LSAMP: variants seen among roughly 807,000 people sequenced by gnomAD.
The protein encoded by LSAMP is limbic system associated membrane protein, also known as limbic system-associated membrane protein.
LSAMP carries 7 observed loss-of-function variants against 38.6 expected under a neutral mutation model. The observed-to-expected ratio is 0.18, with a 90% CI of 0.10 to 0.34. LSAMP has a LOEUF of 0.34. LSAMP is among the 10% of genes least tolerant of loss of function. The pLI, the probability that LSAMP is intolerant of heterozygous loss-of-function variation, is 1.00. For synonymous variants in LSAMP, 154 were observed against 166.8 expected (o/e 0.92, Z 0.59); for missense variants, 313 against 420.0 (o/e 0.75, Z 2.23).
intron 1 of LSAMP, among the ~76,000 whole-genome samples, chr3:116,407,751 A>G (rs762248944): frequency 7.9e-5 from 12 of 152,064 alleles, no homozygotes; most frequent in Non-Finnish European, 1.6e-4. Flanking sequence ...TGAGCATGAC[A>G]GGAACAATCT....
chr3:116,367,962 T>C (rs2048377656), intron 1 of LSAMP: 1 of 152,216 alleles, frequency 6.6e-6, no homozygotes, highest in Admixed American at 6.5e-5. Flanking sequence ...TGTGGCTCTG[T>C]GCCATCTCGA....
chr3:115,984,776 G>T lies in LSAMP; in HGVS notation c.514+34739C>A, dbSNP rs368019191. ...TCATTGTAAAGACTGTTACAGTAAA[G>T]TTATGCATACATTGCAATGGTAAAA... On this transcript the variant is annotated intron_variant, in intron 3 of 6. Coordinates refer to ENST00000490035, the MANE Select transcript of LSAMP (RefSeq NM_002338.5). Among the ~76,000 whole-genome samples, 44 of 152,294 alleles carry T rather than the reference G, an allele frequency of 2.9e-4. 1 individual carries two copies. Among genetic ancestry groups the T allele is most frequent in the African/African-American group, 9.9e-4 (41 of 41,578 alleles).
At chr3:115,997,582 C>T (rs1036073817) in intron 3 of LSAMP, among the ~76,000 whole-genome samples, 13 of 150,108 alleles carry the variant, frequency 8.7e-5, no homozygotes, top group African/African-American at 2.9e-4. Context: ...AGGTACAGTA[C>T]AGAAGGCATA....
At chr3:115,995,872 A>G (rs968937698) in intron 3 of LSAMP, among the ~76,000 whole-genome samples, 11 of 152,066 alleles carry the variant, frequency 7.2e-5, no homozygotes, top group African/African-American at 2.4e-4. Flanking sequence ...TCCTGAGTAT[A>G]ACAAGTGATT....
chr3:116,307,468 A>G (rs1380264417), intron 1 of LSAMP, among the ~76,000 whole-genome samples: 1 of 151,990 alleles, frequency 6.6e-6, no homozygotes, highest in Non-Finnish European at 1.5e-5. Context: ...CAAAGCATAT[A>G]ATCCAAAATA....
intron 2 of LSAMP, among the ~76,000 whole-genome samples, chr3:116,046,433 C>G (rs920206265): frequency 6.6e-6 from 1 of 152,192 alleles, no homozygotes; most frequent in Non-Finnish European, 1.5e-5. Context: ...ATACAGCTTG[C>G]AGAGCAATTG....
intron 1 of LSAMP, among the ~76,000 whole-genome samples, chr3:116,319,029 G>C (rs966037970): frequency 2.1e-5 from 3 of 146,288 alleles, no homozygotes; most frequent in Admixed American, 1.4e-4. Flanking sequence ...AGGCAAAATA[G>C]TGTTGTATAG....
chr3:115,879,577 G>A (rs1936270434), intron 3 of LSAMP, among the ~76,000 whole-genome samples: 1 of 152,146 alleles, frequency 6.6e-6, no homozygotes, highest in Non-Finnish European at 1.5e-5. Flanking sequence ...TATCATTAGT[G>A]CCTATAACAT....
chr3:115,962,108 G>T (rs1384005103), intron 3 of LSAMP, among the ~76,000 whole-genome samples: 1 of 152,150 alleles, frequency 6.6e-6, no homozygotes, highest in East Asian at 1.9e-4. Flanking sequence ...ACAGTAAAGA[G>T]ACCTTAATGA....
chr3:115,944,219 T>C (rs928680688), intron 3 of LSAMP, among the ~76,000 whole-genome samples: 2 of 152,146 alleles, frequency 1.3e-5, no homozygotes, highest in Non-Finnish European at 2.9e-5. Context: ...CTGATGCTGC[T>C]GAGGAGATGA....
chr3:115,906,612 T>C (rs1208525912), intron 3 of LSAMP, among the ~76,000 whole-genome samples: 1 of 152,132 alleles, frequency 6.6e-6, no homozygotes, highest in Admixed American at 6.6e-5. Context: ...ACTGGCTGCA[T>C]ATCCACCATC....
chr3:115,889,577 C>T (rs1048439867), intron 3 of LSAMP, among the ~76,000 whole-genome samples: 1 of 151,774 alleles, frequency 6.6e-6, no homozygotes, highest in Non-Finnish European at 1.5e-5. Context: ...TGCTTTGGCC[C>T]CCAGTTATGT....
At chr3:115,897,124 G>C (rs1432395238) in intron 3 of LSAMP, among the ~76,000 whole-genome samples, 1 of 152,102 alleles carries the variant, frequency 6.6e-6, no homozygotes, top group Non-Finnish European at 1.5e-5. Context: ...GAGAATCTCT[G>C]AACTGGGTAG....
At chr3:116,206,775 G>A (rs2107600434) in intron 1 of LSAMP, among the ~76,000 whole-genome samples, 1 of 151,582 alleles carries the variant, frequency 6.6e-6, no homozygotes, top group Admixed American at 6.6e-5. Flanking sequence ...GAGATAGTTT[G>A]TTATAATCTC....
intron 3 of LSAMP, among the ~76,000 whole-genome samples, chr3:115,923,342 G>A (rs1937425663): frequency 6.6e-6 from 1 of 152,186 alleles, no homozygotes; most frequent in African/African-American, 2.4e-5. Flanking sequence ...GGCAAAGGCT[G>A]ATGCATATAA....
At chr3:116,242,233 G>A (rs1202556766) in intron 1 of LSAMP, among the ~76,000 whole-genome samples, 2 of 152,228 alleles carry the variant, frequency 1.3e-5, no homozygotes, top group Non-Finnish European at 1.5e-5. Context: ...CCACAGATGA[G>A]TGCTTTTAAT....
chr3:116,106,628 A>T (rs1039836642), intron 1 of LSAMP, among the ~76,000 whole-genome samples: 8 of 152,264 alleles, frequency 5.3e-5, no homozygotes, highest in Admixed American at 2.6e-4. Context: ...GGCTGATTTG[A>T]CTAATAAAGG....
chr3:116,433,795 T>G (rs117018697), intron 1 of LSAMP, among the ~76,000 whole-genome samples: 1 of 152,218 alleles, frequency 6.6e-6, no homozygotes, highest in East Asian at 1.9e-4. Context: ...TCCAGGAAGG[T>G]AGATTCCTTC....
intron 2 of LSAMP, among the ~76,000 whole-genome samples, chr3:116,032,478 A>T (rs113241384): frequency 2.0e-4 from 30 of 152,282 alleles, no homozygotes; most frequent in African/African-American, 6.7e-4. Flanking sequence ...GATTATGTCA[A>T]GATGAAAGGA....
Sources: gnomAD v4.1 joint callset for allele counts (sites outside exome capture counted in the v4.1 genomes callset) on GRCh38, gnomAD v4.1.1 for gene constraint, MANE v1.5 for transcripts, NCBI Gene and HGNC (gene_info 2026-07-23, HGNC 2026-07-21) for gene names.